SUFU: variants seen among roughly 807,000 people sequenced by gnomAD.
SUFU encodes the protein SUFU negative regulator of hedgehog signaling.
Under a neutral mutation model 58.9 loss-of-function variants are expected in SUFU, and 7 were observed. The observed-to-expected ratio is 0.12, with a 90% CI of 0.07 to 0.22. SUFU has a LOEUF of 0.22. SUFU is among the 10% of genes least tolerant of loss of function. SUFU has a pLI of 1.00. For synonymous variants in SUFU, 232 were observed against 254.8 expected (o/e 0.91, Z 0.85); for missense variants, 451 against 641.3 (o/e 0.70, Z 3.20).
chr10:102,602,308 A>G (rs1004089487), intron 8 of SUFU, among the ~76,000 whole-genome samples: 3 of 152,118 alleles, frequency 2.0e-5, no homozygotes, highest in Non-Finnish European at 4.4e-5. Context: ...AATCTTCCTT[A>G]CCCCATTCTC....
intron 8 of SUFU, among the ~76,000 whole-genome samples, chr10:102,612,955 A>G (rs2063641841): frequency 6.6e-6 from 1 of 152,166 alleles, no homozygotes; most frequent in Non-Finnish European, 1.5e-5. Flanking sequence ...AACATGGCTC[A>G]GGAAACACTG....
intron 3 of SUFU, among the ~76,000 whole-genome samples, chr10:102,576,853 G>A (rs1166155549): frequency 2.6e-5 from 4 of 151,970 alleles, no homozygotes; most frequent in Non-Finnish European, 4.4e-5. Context: ...GGAACTACAA[G>A]TGTGCACCAC....
Position 102,620,271 on chromosome 10 carries a change from G to A in SUFU, c.1296+2843G>A, listed in dbSNP as rs146811264. Among the ~76,000 whole-genome samples the A allele has an allele frequency of 7.5e-3, 1,139 of 152,296 alleles. 13 individuals carry two copies. The highest frequency in any genetic ancestry group is 0.025 in the African/African-American group (1,046 of 41,550). On this transcript the variant is annotated intron_variant, in intron 10 of 11. Transcript: ENST00000369902. ...GGCCTGTTATCTCTTGGGAGAAAGC[G>A]TGGCAGAGACATCCTGCAGGGGGAA... is the stretch of plus-strand genomic sequence containing the variant.
intron 2 of SUFU, among the ~76,000 whole-genome samples, chr10:102,515,239 T>C (rs1268241750): frequency 2.0e-5 from 3 of 152,122 alleles, no homozygotes; most frequent in Admixed American, 1.3e-4. Context: ...CTTTTCCACT[T>C]GTTGTTTAGT....
rs141248833 is a variant in SUFU at position 102,529,981 on chromosome 10, C to G, written c.318-19989C>G. Among the ~76,000 whole-genome samples the G allele has an allele frequency of 7.1e-3, 1,081 of 151,994 alleles. 14 individuals carry two copies. Among genetic ancestry groups the G allele is most frequent in the African/African-American group, 0.024 (988 of 41,480 alleles). On this transcript the variant is annotated intron_variant, in intron 2 of 11. Coordinates refer to ENST00000369902, the MANE Select transcript of SUFU (RefSeq NM_016169.4). ...AGAAAAGAAAAAGGAAAGTTGCACA[C>G]TAACTGCCGTGGAAGGGCACTTGCT... is the stretch of plus-strand genomic sequence containing the variant.
chr10:102,593,941 C>T (rs998500184), intron 5 of SUFU, 52 bp from the exon 6 acceptor site: 2 of 1,601,190 alleles, frequency 1.2e-6, no homozygotes, highest in Non-Finnish European at 8.6e-7. Flanking sequence ...TAGGCCCAGC[C>T]CATCAGCCCC....
intron 2 of SUFU, among the ~76,000 whole-genome samples, chr10:102,525,363 G>A (rs2031605): frequency 6.8e-4 from 103 of 152,230 alleles, no homozygotes; most frequent in Non-Finnish European, 1.2e-3. Context: ...GCCCACATCA[G>A]CCTCCCAAAG....
chr10:102,610,530 C>G (rs150035255), intron 8 of SUFU, among the ~76,000 whole-genome samples: 1 of 152,008 alleles, frequency 6.6e-6, no homozygotes, highest in East Asian at 1.9e-4. Context: ...ACAGAAATGT[C>G]CAGAGAACAT....
intron 7 of SUFU, 91 bp downstream of exon 7, chr10:102,597,384 A>G: frequency 6.9e-7 from 1 of 1,456,390 alleles, no homozygotes; most frequent in Non-Finnish European, 9.2e-7. Flanking sequence ...GTCTCTAACA[A>G]AAACAACCCA....
chr10:102,558,861 G>GT (rs964638281), intron 3 of SUFU, among the ~76,000 whole-genome samples: 11 of 152,214 alleles, frequency 7.2e-5, no homozygotes, highest in Admixed American at 2.0e-4. Flanking sequence ...TTTCTGTTCT[G>GT]TCTTGTATGT....
At chr10:102,543,371 TA>T (rs1174940963) in intron 2 of SUFU, among the ~76,000 whole-genome samples, 1 of 152,238 alleles carries the variant, frequency 6.6e-6, no homozygotes, top group African/African-American at 2.4e-5. Flanking sequence ...GAATTTTTTC[TA>T]TCAGGTTTTT....
At chr10:102,525,197 A>G (rs2062596419) in intron 2 of SUFU, among the ~76,000 whole-genome samples, 1 of 150,028 alleles carries the variant, frequency 6.7e-6, no homozygotes, top group Admixed American at 6.7e-5. Context: ...TGCAACCTCC[A>G]CCTCCTGGGT....
chr10:102,526,302 C>G (rs192505295), intron 2 of SUFU, among the ~76,000 whole-genome samples: 2 of 152,158 alleles, frequency 1.3e-5, no homozygotes, highest in African/African-American at 4.8e-5. Context: ...CCTCTAATCC[C>G]AGCACTTTGG....
chr10:102,605,971 C>T (rs2063559117), intron 8 of SUFU, among the ~76,000 whole-genome samples: 1 of 152,220 alleles, frequency 6.6e-6, no homozygotes, highest in Non-Finnish European at 1.5e-5. Flanking sequence ...AAAGGAGTCT[C>T]AATGGTTCAG....
intron 2 of SUFU, among the ~76,000 whole-genome samples, chr10:102,520,207 T>C (rs996525921): frequency 1.5e-4 from 17 of 111,238 alleles, no homozygotes; most frequent in African/African-American, 6.4e-4. Context: ...AGTTCTTTTT[T>C]CTTTCTTTTT....
intron 2 of SUFU, among the ~76,000 whole-genome samples, chr10:102,524,693 A>G (rs916967370): frequency 6.6e-6 from 1 of 152,088 alleles, no homozygotes. Flanking sequence ...TTAAATTACC[A>G]TCTAGCTTAT....
chr10:102,526,760 A>G (rs1245461595), intron 2 of SUFU, among the ~76,000 whole-genome samples: 3 of 151,976 alleles, frequency 2.0e-5, no homozygotes, highest in Admixed American at 6.6e-5. Flanking sequence ...ATTCTGTGCA[A>G]TTGCTGCCCC....
At chr10:102,622,919 A>G (rs1008092357) in intron 10 of SUFU, among the ~76,000 whole-genome samples, 2 of 141,326 alleles carry the variant, frequency 1.4e-5, no homozygotes, top group African/African-American at 2.6e-5. Flanking sequence ...TGAACCCAGG[A>G]GGCAGAGGTT....
chr10:102,549,186 A>G (rs1036747093), intron 2 of SUFU, among the ~76,000 whole-genome samples: 2 of 152,178 alleles, frequency 1.3e-5, no homozygotes, highest in South Asian at 2.1e-4. Flanking sequence ...CACAGAGTGT[A>G]TTAATCCATT....
Sources: gnomAD v4.1 joint callset for allele counts (sites outside exome capture counted in the v4.1 genomes callset) on GRCh38, gnomAD v4.1.1 for gene constraint, MANE v1.5 for transcripts, NCBI Gene and HGNC (gene_info 2026-07-23, HGNC 2026-07-21) for gene names.